The following STYXL1 variants were observed in gnomAD, a reference collection of about 807,000 sequenced individuals.
STYXL1 encodes the protein serine/threonine/tyrosine-interacting-like protein 1.
In STYXL1, 32 loss-of-function variants were observed where a neutral mutation model predicts 36.4. The observed-to-expected ratio is 0.88, with a 90% CI of 0.66 to 1.18. The LOEUF is 1.18. Ranked by LOEUF, STYXL1 falls within the 50% of genes most tolerant of loss-of-function variation. The pLI, the probability that STYXL1 is intolerant of heterozygous loss-of-function variation, is 0.00. For missense variants in STYXL1, 354 were observed against 394.1 expected (o/e 0.90, Z 0.86); for synonymous variants, 133 against 144.1 (o/e 0.92, Z 0.55).
At chr7:76,022,495 T>C (rs1394575364) in intron 3 of STYXL1, among the ~76,000 whole-genome samples, 5 of 92,186 alleles carry the variant, frequency 5.4e-5, no homozygotes, top group Non-Finnish European at 1.2e-4. Context: ...CCCGACTCTA[T>C]GAAAAAAAAA....
At position 76,003,561 on chromosome 7, in the gene STYXL1, G is replaced by A. The variant is rs546863197; in HGVS notation, c.697+197C>T. 5.9e-5 allele frequency among the ~76,000 whole-genome samples: 9 copies of A among 152,320 alleles called. 1 individual carries two copies. Among genetic ancestry groups the A allele is most frequent in the South Asian group, 2.1e-4 (1 of 4,828 alleles). On this transcript the variant is annotated intron_variant, in intron 7 of 8. Coordinates refer to ENST00000359697, the MANE Select transcript of STYXL1 (RefSeq NM_001317785.2). The stretch of plus-strand genomic sequence containing the variant: ...CCCGAGGTAAACACCACGGTTGCTC[G>A]TTTCACTGAGGGCTCCCCAGAAGTT...
At chr7:76,028,597 T>C (rs782522651) in intron 3 of STYXL1, 45 bp downstream of exon 3, 9 of 1,594,356 alleles carry the variant, frequency 5.6e-6, no homozygotes, top group Non-Finnish European at 6.9e-6. Flanking sequence ...CCCACCCCAC[T>C]GCAAGGTAGC....
At chr7:76,034,781 C>A (rs541729103) in intron 1 of STYXL1, among the ~76,000 whole-genome samples, 1 of 152,194 alleles carries the variant, frequency 6.6e-6, no homozygotes, top group Non-Finnish European at 1.5e-5. Flanking sequence ...TATCTCCAGA[C>A]ATCACTAAGG....
intron 3 of STYXL1, among the ~76,000 whole-genome samples, chr7:76,025,320 TA>T (rs113891143): frequency 2.3e-4 from 33 of 144,634 alleles, no homozygotes; most frequent in Admixed American, 2.8e-4. Context: ...AAATAAAAAT[TA>T]AAAAAAAAAA....
At chr7:76,046,302 G>C (rs1796989474) in intron 1 of STYXL1, among the ~76,000 whole-genome samples, 1 of 50,136 alleles carries the variant, frequency 2.0e-5, no homozygotes, top group African/African-American at 6.1e-5. Flanking sequence ...GTGTGTGTGT[G>C]TGTGTGTGTG....
At chr7:76,042,573 A>AT (rs1393880424) in intron 1 of STYXL1, among the ~76,000 whole-genome samples, 1 of 150,712 alleles carries the variant, frequency 6.6e-6, no homozygotes, top group Non-Finnish European at 1.5e-5. Context: ...CTCCCGGCTA[A>AT]TTTTTTGTAT....
rs531756145 is a variant in STYXL1, at chr7:76,033,201, G to A, written c.-4-2674C>T. On this transcript the variant is annotated intron_variant, in intron 1 of 8. Coordinates refer to ENST00000359697, the MANE Select transcript of STYXL1 (RefSeq NM_001317785.2). ...TTTTCTGTCATCCAGGCTTGAGTACGGTGGTGTGATCATGGCTGACTGCGG... is the reference window on the plus strand; with the variant it reads ...TTTTCTGTCATCCAGGCTTGAGTACAGTGGTGTGATCATGGCTGACTGCGG... 2.6e-5 allele frequency among the ~76,000 whole-genome samples: 4 copies of A among 152,236 alleles called. No homozygotes were observed. In the South Asian group the frequency reaches 6.2e-4, roughly 24 times the overall value.
chr7:76,013,649 A>G (rs1792884399), intron 5 of STYXL1, 93 bp downstream of exon 5: 2 of 1,562,986 alleles, frequency 1.3e-6, no homozygotes, highest in Non-Finnish European at 1.8e-6. Flanking sequence ...CCTCTGTCCC[A>G]TCCTCCTGTT....
intron 1 of STYXL1, among the ~76,000 whole-genome samples, chr7:76,039,098 C>T (rs1225673626): frequency 6.7e-6 from 1 of 148,884 alleles, no homozygotes; most frequent in South Asian, 2.1e-4. Flanking sequence ...CCACCATTCC[C>T]AGCTAACTTT....
chr7:76,030,750 G>A (rs868964819), intron 1 of STYXL1, among the ~76,000 whole-genome samples: 1 of 149,538 alleles, frequency 6.7e-6, no homozygotes, highest in African/African-American at 2.5e-5. Flanking sequence ...GGTGGCTCAC[G>A]CCTGTAATCC....
intron 3 of STYXL1, among the ~76,000 whole-genome samples, chr7:76,023,249 C>T (rs529388761): frequency 2.0e-5 from 3 of 152,298 alleles, no homozygotes; most frequent in African/African-American, 7.2e-5. Context: ...TGCTCAGACT[C>T]CCATCTTCCC....
At chr7:76,013,127 C>A (rs1364253942) in intron 5 of STYXL1, among the ~76,000 whole-genome samples, 1 of 152,082 alleles carries the variant, frequency 6.6e-6, no homozygotes, top group African/African-American at 2.4e-5. Context: ...GAGATCGAGA[C>A]CATCCTGGCT....
At chr7:76,040,593 C>A (rs1796383065) in intron 1 of STYXL1, among the ~76,000 whole-genome samples, 1 of 152,166 alleles carries the variant, frequency 6.6e-6, no homozygotes, top group African/African-American at 2.4e-5. Context: ...AATCCCAGCG[C>A]TTTGGGAGAC....
At chr7:76,034,113 C>CT (rs1432624436) in intron 1 of STYXL1, among the ~76,000 whole-genome samples, 1 of 152,112 alleles carries the variant, frequency 6.6e-6, no homozygotes, top group Non-Finnish European at 1.5e-5. Context: ...GAGCTGCTGC[C>CT]TTTTTTTGAG....
At chr7:76,046,697 A>G (rs1797147295) in intron 1 of STYXL1, among the ~76,000 whole-genome samples, 1 of 132,208 alleles carries the variant, frequency 7.6e-6, no homozygotes, top group Non-Finnish European at 1.6e-5. Context: ...CCCAAGCTGG[A>G]GTACAGTGGG....
intron 7 of STYXL1, among the ~76,000 whole-genome samples, chr7:76,001,792 A>ATTTTTTTTTTTTTT (rs71082373): frequency 1.0e-5 from 1 of 96,950 alleles, no homozygotes; most frequent in Non-Finnish European, 1.9e-5. Flanking sequence ...ACTGCGCCTG[A>ATTTTTTTTTTTTTT]TTTTTTTTTT....
chr7:75,998,000 T>C (rs1464925958), intron 8 of STYXL1, among the ~76,000 whole-genome samples: 2 of 152,296 alleles, frequency 1.3e-5, no homozygotes, highest in East Asian at 1.9e-4. Flanking sequence ...TTAATATTAT[T>C]AAGATGCCAA....
chr7:75,999,793 G>A (rs370965712), intron 8 of STYXL1, among the ~76,000 whole-genome samples: 24 of 152,108 alleles, frequency 1.6e-4, no homozygotes, highest in East Asian at 7.7e-4. Context: ...TGATCTGCCC[G>A]CCTCGGCCTC....
In STYXL1 at chr7:76,028,755, AACT is replaced by A. The variant is rs782166964; in HGVS notation, c.104-55_104-53del. On this transcript the variant is annotated intron_variant, in intron 2 of 8. Coordinates refer to ENST00000359697, the MANE Select transcript of STYXL1 (RefSeq NM_001317785.2). ...GAATTTGCAAAGGAACATACGACCA[AACT>A]ACTCAGAGGACCTACGTCGTCATCA... 4 of 1,510,436 alleles carry A rather than the reference AACT, an allele frequency of 2.6e-6. No individual in the cohort carries two copies. The Admixed American group carries it at 6.7e-5, about 25-fold the overall frequency. 93.6% of individuals were successfully genotyped at this position (1,510,436 alleles called of 1,614,324 possible). A position where few individuals can be genotyped will look rare whatever the true frequency, so the allele number is the denominator to read the frequency against.
Sources: allele counts gnomAD v4.1 joint callset (sites outside exome capture counted in the v4.1 genomes callset), GRCh38; gene constraint gnomAD v4.1.1; transcripts MANE v1.5; gene names NCBI Gene and HGNC (gene_info 2026-07-23, HGNC 2026-07-21).